BMP1: variants seen among roughly 807,000 people sequenced by gnomAD.
The protein encoded by BMP1 is bone morphogenetic protein 1.
In BMP1, 63 loss-of-function variants were observed where a neutral mutation model predicts 116.8. The ratio of observed to expected loss-of-function variants is 0.54; its 90% CI spans 0.44 to 0.67. The LOEUF (loss-of-function observed/expected upper bound fraction) is 0.67. BMP1 is among the 30% of genes least tolerant of loss of function. The pLI, the probability that BMP1 is intolerant of heterozygous loss-of-function variation, is 0.00. For missense variants in BMP1, 1,183 were observed against 1,358.9 expected (o/e 0.87, Z 2.04); for synonymous variants, 536 against 533.4 (o/e 1.00, Z -0.07).
chr8:22,196,250 G>A (rs765192870), intron 13 of BMP1: 1 of 531,324 alleles, frequency 1.9e-6, no homozygotes, highest in South Asian at 1.4e-5. Flanking sequence ...TCCACGCATG[G>A]TCCCGAGATG....
chr8:22,194,174 G>C lies in BMP1; in HGVS notation c.1297G>C (p.Ala433Pro). The change falls in exon 10 of 20, where the codon GCC becomes CCC. Residue 433 changes from alanine to proline, a missense_variant and splice_region_variant. Ala to Pro is a conservative substitution (Grantham distance 27). Transcript: ENST00000306385. The surrounding 1 kb of genome is among the most constrained non-coding windows in gnomAD (Gnocchi z 4.5). ...AAAGGGCTTCTTTGCAGTCTACGAA[G>C]GTACTGAGGAAGGCGGCGGGCGGGA... Reference protein sequence around the residue: ...VGKGFFAVYEAICGGDVKKDY... With the variant: ...VGKGFFAVYEPICGGDVKKDY... The C allele has an allele frequency of 1.9e-6, 3 of 1,613,908 alleles. No individual in the cohort carries two copies. Among genetic ancestry groups the C allele is most frequent in the Non-Finnish European group, 2.5e-6 (3 of 1,179,766 alleles).
rs2131902643 is a variant in BMP1 at position 22,207,450 on chromosome 8, A to G, written c.2509A>G (p.Met837Val). 1 of 1,614,096 alleles carries G rather than the reference A, an allele frequency of 6.2e-7. No individual in the cohort carries two copies. The highest frequency in any genetic ancestry group is 8.5e-7 in the Non-Finnish European group (1 of 1,180,038). Residue 837 changes from methionine (M) to valine (V), a missense_variant, in exon 18 of 20, where the codon ATG (methionine) becomes GTG (valine). Met to Val is a conservative substitution (Grantham distance 21). Around this residue, in one of 4 missense-constraint regions of BMP1, gnomAD observed 956 missense variants for 1,135.2 expected, o/e 0.84. Coordinates refer to ENST00000306385, the MANE Select transcript of BMP1 (RefSeq NM_006129.5). ...GCCCGTCCTGGCCACAGGCAGCCGC[A>G]TGTTCCTGCGCTTCTACTCAGATAA... ...PEPVLATGSR[M>V]FLRFYSDNSV...
At position 22,176,417 on chromosome 8, in the gene BMP1, G is replaced by C. The variant is rs1477331445; in HGVS notation, c.433+104G>C. ...CGTGGGTGCCACCTGCAGCCCGAGT[G>C]CCCACACATTCCTTTCCAGGCAGTC... On this transcript the variant is annotated intron_variant, in intron 3 of 19. Coordinates refer to ENST00000306385, the MANE Select transcript of BMP1 (RefSeq NM_006129.5). The C allele has an allele frequency of 3.9e-6, 6 of 1,547,032 alleles. No individual in the cohort carries two copies. The African/African-American group carries it at 8.1e-5, about 21-fold the overall frequency.
rs374974623 is a variant in BMP1, at chr8:22,207,025, C to T, written c.2361+44C>T. On this transcript the variant is annotated intron_variant, in intron 17 of 19. Coordinates refer to ENST00000306385, the MANE Select transcript of BMP1 (RefSeq NM_006129.5). ...ACTCCTTATGCGGTGTGGCTGCCCCCGGTCAGAGGCACTGCCCAGAGCCAC... is the reference window on the plus strand; with the variant it reads ...ACTCCTTATGCGGTGTGGCTGCCCCTGGTCAGAGGCACTGCCCAGAGCCAC... 1.1e-4 allele frequency: 183 copies of T among 1,606,534 alleles called. No homozygotes were observed. In the Middle Eastern group the frequency reaches 1.3e-3, roughly 12 times the overall value.
intron 16 of BMP1, among the ~76,000 whole-genome samples, chr8:22,205,865 G>C (rs1829343659): frequency 6.6e-6 from 1 of 152,348 alleles, no homozygotes; most frequent in Non-Finnish European, 1.5e-5. Flanking sequence ...GGTGGCCACA[G>C]AGGGGTGATG....
chr8:22,201,998 A>G, intron 16 of BMP1, 70 bp downstream of exon 16: 1 of 1,541,160 alleles, frequency 6.5e-7, no homozygotes. Flanking sequence ...CCAGAGGATC[A>G]TCTCCATCAG....
chr8:22,179,455 G>T lies in BMP1; in HGVS notation c.837-250G>T, dbSNP rs992716373. Among the ~76,000 whole-genome samples, 1 of 152,172 alleles carries T rather than the reference G, an allele frequency of 6.6e-6. No homozygotes were observed. Among genetic ancestry groups the T allele is most frequent in the Non-Finnish European group, 1.5e-5 (1 of 68,002 alleles). On this transcript the variant is annotated intron_variant, in intron 6 of 19. Transcript: ENST00000306385. The surrounding 1 kb of genome is among the most constrained non-coding windows in gnomAD (Gnocchi z 4.6). ...GTGGGTCCAAGGGCACCCTGGACCT[G>T]CATCCCTGACCTCCCAAAGTGTTCC...
intron 14 of BMP1, 137 bp from the exon 15 acceptor site, chr8:22,197,103 G>C: frequency 8.4e-7 from 1 of 1,185,628 alleles, no homozygotes; most frequent in Admixed American, 2.6e-5. Flanking sequence ...CTGGCTTGGC[G>C]AGTACAGGAG....
At chr8:22,202,718 A>C (rs1398143704) in intron 16 of BMP1, among the ~76,000 whole-genome samples, 1 of 152,212 alleles carries the variant, frequency 6.6e-6, no homozygotes, top group Middle Eastern at 3.2e-3. Flanking sequence ...ACTAGAAATA[A>C]AGTAAAATAG....
At position 22,176,612 on chromosome 8, in the gene BMP1, C is replaced by T. The variant is rs758566212; in HGVS notation, c.513C>T (p.Asp171=). ...HTCVTFLERT[D]EDSYIVFTYR... is the part of the protein sequence containing the mutation. ...GTGTCACCTTCCTGGAGCGCACTGA[C>T]GAGGACAGCTATATTGTGTTCACCT... The change falls in exon 4 of 20, where the codon GAC becomes GAT. Residue 171 remains aspartate (D), a synonymous_variant. Transcript: ENST00000306385. The T allele has an allele frequency of 4.3e-6, 7 of 1,614,056 alleles. No homozygotes were observed. The African/African-American group carries it at 5.3e-5, about 12-fold the overall frequency.
intron 8 of BMP1, among the ~76,000 whole-genome samples, chr8:22,187,460 A>C (rs139018681): frequency 0.08 from 11,540 of 144,756 alleles, 533 homozygotes; most frequent in East Asian, 0.13. Context: ...CCTCCTCAGT[A>C]GCTGGGACTA....
intron 16 of BMP1, among the ~76,000 whole-genome samples, chr8:22,205,987 G>C (rs1214194256): frequency 6.6e-6 from 1 of 152,164 alleles, no homozygotes; most frequent in African/African-American, 2.4e-5. Flanking sequence ...GGTAGCAGGA[G>C]TGGGGGTGGG....
chr8:22,185,318 G>C (rs1212237368), intron 8 of BMP1, among the ~76,000 whole-genome samples: 1 of 151,918 alleles, frequency 6.6e-6, no homozygotes, highest in Admixed American at 6.6e-5. Flanking sequence ...TGGGCATGGT[G>C]GTGCATGCCT....
rs1336767381 is a variant in BMP1, at chr8:22,180,522, G to A, written c.1077+39G>A. 1.9e-6 allele frequency: 3 copies of A among 1,578,934 alleles called. No homozygotes were observed. In the Admixed American group the frequency reaches 5.0e-5, roughly 26 times the overall value. On this transcript the variant is annotated intron_variant, in intron 8 of 19. Coordinates refer to ENST00000306385, the MANE Select transcript of BMP1 (RefSeq NM_006129.5). ...CAGCCTCTGAGCCTCCCCCTCCCCT[G>A]CGGGTCCCCATACCTCAGGGACTTC...
intron 16 of BMP1, 61 bp from the exon 17 acceptor site, chr8:22,206,793 A>C: frequency 6.2e-7 from 1 of 1,608,800 alleles, no homozygotes; most frequent in South Asian, 1.1e-5. Context: ...GGCCTTCCCC[A>C]CAGGAGGCAT....
At position 22,197,384 on chromosome 8, in the gene BMP1, G is replaced by T; in HGVS notation, c.2071G>T (p.Val691Leu). 6.2e-7 allele frequency: 1 copy of T among 1,612,474 alleles called. No homozygotes were observed. The highest frequency in any genetic ancestry group is 8.5e-7 in the Non-Finnish European group (1 of 1,178,682). The change falls in exon 15 of 20, where the codon GTG becomes TTG. Residue 691 changes from valine (V) to leucine (L), a missense_variant. Transcript: ENST00000306385. ...MRVEFKSDNT[V>L]SKKGFKAHFF... ...CGTGGAGTTCAAGTCCGACAACACC[G>T]TGTCCAAAAAGGGCTTCAAGGCCCA...
chr8:22,174,307 T>C (rs1300487327), intron 2 of BMP1, among the ~76,000 whole-genome samples: 1 of 152,210 alleles, frequency 6.6e-6, no homozygotes. Context: ...GATCACACTG[T>C]TACCCTGTCA....
intron 8 of BMP1, among the ~76,000 whole-genome samples, chr8:22,188,494 C>G (rs1828841811): frequency 6.6e-6 from 1 of 152,208 alleles, no homozygotes; most frequent in Non-Finnish European, 1.5e-5. Context: ...GACAAAAACA[C>G]TGAGCCTTAA....
Position 22,176,228 on chromosome 8 carries a change from C to G in BMP1, c.348C>G (p.Ser116=). Residue 116 remains serine, a synonymous_variant, in exon 3 of 20, where the codon TCC becomes TCG. Transcript: ENST00000306385. ...CCTGTGGGAGATGGAGAGGTAGATCCCGTAGCCGGCGGGCGGCGACGTCCC... is the reference window on the plus strand; with the variant it reads ...CCTGTGGGAGATGGAGAGGTAGATCGCGTAGCCGGCGGGCGGCGACGTCCC... ...RGACGRWRGR[S]RSRRAATSRP... is the part of the protein sequence containing the mutation. The G allele has an allele frequency of 1.2e-6, 2 of 1,613,982 alleles. No individual in the cohort carries two copies. Among genetic ancestry groups the G allele is most frequent in the East Asian group, 4.5e-5 (2 of 44,874 alleles).
Sources: allele counts gnomAD v4.1 joint callset (sites outside exome capture counted in the v4.1 genomes callset), GRCh38; gene constraint gnomAD v4.1.1; regional missense constraint gnomAD v4.1.1; non-coding constraint Gnocchi (gnomAD v3.1); transcripts MANE v1.5; gene names NCBI Gene and HGNC (gene_info 2026-07-23, HGNC 2026-07-21).